EIF4E3: variants seen among roughly 807,000 people sequenced by gnomAD.
The protein encoded by EIF4E3 is eukaryotic translation initiation factor 4E type 3.
Under a neutral mutation model 31.7 loss-of-function variants are expected in EIF4E3, and 26 were observed. The observed-to-expected ratio is 0.82, with a 90% confidence interval of 0.60 to 1.14. The LOEUF (loss-of-function observed/expected upper bound fraction) is 1.14, where lower values mean the gene tolerates loss of function less well. EIF4E3 is among the 50% of genes most tolerant of loss of function. The pLI, the probability that EIF4E3 is intolerant of heterozygous loss-of-function variation, is 0.00. For missense variants in EIF4E3, 304 were observed against 270.9 expected (o/e 1.12, Z -0.86); for synonymous variants, 128 against 107.7 (o/e 1.19, Z -1.17).
rs1350659963 is a variant in EIF4E3, at chr3:71,733,179, G to C, written c.-290-4556C>G. Among the ~76,000 whole-genome samples, 4 of 152,264 alleles carry C rather than the reference G, an allele frequency of 2.6e-5. No homozygotes were observed. In the East Asian group the frequency reaches 7.7e-4, roughly 29 times the overall value. On this transcript the variant is annotated intron_variant, in intron 1 of 7. Transcript: ENST00000295612. ...AGTTCTGAGTCCCAGAAAACCCTTT[G>C]GTCCTGGGAAAACCCGAACGGTAGA...
At chr3:71,745,976 T>C (rs2049868189) in intron 1 of EIF4E3, among the ~76,000 whole-genome samples, 1 of 152,222 alleles carries the variant, frequency 6.6e-6, no homozygotes, top group South Asian at 2.1e-4. Flanking sequence ...AAAGTGTTTA[T>C]TTTCAGGTGG....
At chr3:71,659,648 G>A in the EIF4E3 span, among the ~76,000 whole-genome samples, 18 of 152,206 alleles carry the variant, frequency 1.2e-4, no homozygotes, top group African/African-American at 4.1e-4. Flanking sequence ...CTTTTATCAG[G>A]GTAGAATACT....
intron 6 of EIF4E3, 113 bp from the exon 7 acceptor site, chr3:71,684,841 C>G: frequency 1.0e-6 from 1 of 969,252 alleles, no homozygotes; most frequent in South Asian, 1.7e-5. Context: ...TTGGCAAGAA[C>G]TCAAACACCT....
chr3:71,715,102 G>T (rs920829237), intron 1 of EIF4E3, among the ~76,000 whole-genome samples: 1 of 152,196 alleles, frequency 6.6e-6, no homozygotes, highest in Non-Finnish European at 1.5e-5. Flanking sequence ...GGCAATATCT[G>T]AAGACATTTT....
intron 1 of EIF4E3, among the ~76,000 whole-genome samples, chr3:71,722,859 C>A (rs1490653041): frequency 6.6e-6 from 1 of 152,148 alleles, no homozygotes; most frequent in African/African-American, 2.4e-5. Context: ...GCTCCTTCTA[C>A]CAGCTGGCAC....
chr3:71,725,118 C>A lies in EIF4E3; in HGVS notation c.176+74G>T. ...GCGGAGCGGGGCCGGGGCGAGGGGC[C>A]GCGCCGAGACAAAGCGGCGGTGGCG... On this transcript the variant is annotated intron_variant, in intron 1 of 6. Transcript: ENST00000425534. This position sits in a 1 kb window ranked among gnomAD's most constrained non-coding sequence, Gnocchi z 6.1. The A allele has an allele frequency of 1.0e-6, 1 of 993,458 alleles. No homozygotes were observed. Among genetic ancestry groups the A allele is most frequent in the Non-Finnish European group, 1.2e-6 (1 of 831,314 alleles). 61.5% of individuals were successfully genotyped at this position (993,458 alleles called of 1,614,324 possible).
chr3:71,671,427 C>T (rs1460756661), downstream of EIF4E3, among the ~76,000 whole-genome samples: 1 of 151,998 alleles, frequency 6.6e-6, no homozygotes, highest in African/African-American at 2.4e-5. Flanking sequence ...GAGCCGCTCG[C>T]AGGGGGAGGG....
chr3:71,716,286 G>C (rs1403824942), intron 1 of EIF4E3, among the ~76,000 whole-genome samples: 1 of 152,020 alleles, frequency 6.6e-6, no homozygotes, highest in Non-Finnish European at 1.5e-5. Context: ...AAGCTGGAGC[G>C]CAGTGGCGCA....
chr3:71,722,219 G>C (rs1361389742), intron 1 of EIF4E3, among the ~76,000 whole-genome samples: 1 of 152,222 alleles, frequency 6.6e-6, no homozygotes, highest in Non-Finnish European at 1.5e-5. Context: ...AGTTTGGGAA[G>C]GCAGTTGAGG....
At chr3:71,747,423 CT>C (rs1292687842) in intron 1 of EIF4E3, among the ~76,000 whole-genome samples, 1 of 152,140 alleles carries the variant, frequency 6.6e-6, no homozygotes, top group Admixed American at 6.5e-5. Flanking sequence ...ATTTACATTT[CT>C]TTTTAGAGAA....
At chr3:71,720,682 G>A (rs902872304) in intron 1 of EIF4E3, among the ~76,000 whole-genome samples, 2 of 152,210 alleles carry the variant, frequency 1.3e-5, no homozygotes, top group African/African-American at 2.4e-5. Context: ...GGGCAAAGGA[G>A]TTTTGGAATG....
At chr3:71,669,827 C>G in the EIF4E3 span, among the ~76,000 whole-genome samples, 9 of 152,276 alleles carry the variant, frequency 5.9e-5, no homozygotes, top group East Asian at 1.7e-3. Flanking sequence ...TCAAAGCAAT[C>G]AACTCTCATT....
rs573064380 is a variant in EIF4E3, at chr3:71,734,851, G to A, written c.-290-6228C>T. Among the ~76,000 whole-genome samples the A allele has an allele frequency of 1.5e-3, 232 of 152,204 alleles. 2 individuals are homozygous for A. Among genetic ancestry groups the A allele is most frequent in the African/African-American group, 5.3e-3 (222 of 41,506 alleles). ...ACCTGCACAAGTATCTTCATTTCTCGTGCTCATTAGTATTTGGCCTATGAG... is the reference window on the plus strand; with the variant it reads ...ACCTGCACAAGTATCTTCATTTCTCATGCTCATTAGTATTTGGCCTATGAG... On this transcript the variant is annotated intron_variant, in intron 1 of 7. Transcript: ENST00000295612.
the EIF4E3 span, among the ~76,000 whole-genome samples, chr3:71,663,817 T>TGGACTAG: frequency 1.1e-4 from 17 of 152,350 alleles, no homozygotes; most frequent in East Asian, 3.3e-3. Context: ...AATATCATGG[T>TGGACTAG]GTCCGCCATC....
At chr3:71,660,641 TTCTATCAGC>T in the EIF4E3 span, among the ~76,000 whole-genome samples, 44 of 152,294 alleles carry the variant, frequency 2.9e-4, no homozygotes, top group Admixed American at 5.2e-4. Flanking sequence ...CAAACACAGG[TTCTATCAGC>T]TGATGTGAAA....
chr3:71,661,380 A>G, the EIF4E3 span, among the ~76,000 whole-genome samples: 7 of 152,278 alleles, frequency 4.6e-5, no homozygotes, highest in East Asian at 1.4e-3. Flanking sequence ...CAAGTTTATT[A>G]TCATCCAAAG....
rs1161373966 is a variant in EIF4E3 at position 71,735,773 on chromosome 3, T to A, written c.-290-7150A>T. ...GTAACCCAGAACATCTTTTCATTTT[T>A]TTTTTTTCAAGTGAAGATCATTTAT... On this transcript the variant is annotated intron_variant, in intron 1 of 7. Coordinates refer to the EIF4E3 transcript ENST00000295612. Among the ~76,000 whole-genome samples, 3 of 152,106 alleles carry A rather than the reference T, an allele frequency of 2.0e-5. No homozygotes were observed. In the South Asian group the frequency reaches 6.2e-4, roughly 32 times the overall value.
chr3:71,689,774 T>C (rs1242051627), intron 6 of EIF4E3, among the ~76,000 whole-genome samples: 1 of 152,168 alleles, frequency 6.6e-6, no homozygotes, highest in East Asian at 1.9e-4. Flanking sequence ...AATACAATAT[T>C]TGTTATTTCG....
At chr3:71,674,765 C>A (rs1276470640), downstream of EIF4E3, among the ~76,000 whole-genome samples, 2 of 152,098 alleles carry the variant, frequency 1.3e-5, no homozygotes, top group African/African-American at 4.8e-5. Context: ...AATGGAAGTA[C>A]CATTTACTAA....
Sources: gnomAD v4.1 joint callset for allele counts (sites outside exome capture counted in the v4.1 genomes callset) on GRCh38, gnomAD v4.1.1 for gene constraint, Gnocchi (gnomAD v3.1) non-coding constraint, MANE v1.5 for transcripts, NCBI Gene and HGNC (gene_info 2026-07-23, HGNC 2026-07-21) for gene names.